The following CRPPA variants were observed in gnomAD, a reference collection of about 807,000 sequenced individuals.
CRPPA encodes D-ribitol-5-phosphate cytidylyltransferase.
A neutral mutation model predicts 52.0 loss-of-function variants in CRPPA; 43 were observed. The ratio of observed to expected loss-of-function variants is 0.83; its 90% confidence interval spans 0.65 to 1.07. The LOEUF (loss-of-function observed/expected upper bound fraction) is 1.07. CRPPA is among the 50% of genes least tolerant of loss of function. The pLI is 0.00. For missense variants in CRPPA, 629 were observed against 551.7 expected, an observed-to-expected ratio of 1.14 and a Z score of -1.40; for synonymous variants, 250 against 203.5, an observed-to-expected ratio of 1.23 and a Z score of -1.94.
intron 3 of CRPPA, among the ~76,000 whole-genome samples, chr7:16,346,599 A>T (rs539081614): frequency 6.6e-6 from 1 of 152,256 alleles, no homozygotes; most frequent in East Asian, 1.9e-4. Context: ...AGCAGGCTGA[A>T]TTATTTGTCA....
intron 1 of CRPPA, among the ~76,000 whole-genome samples, chr7:16,413,135 A>G (rs1323435204): frequency 2.0e-5 from 3 of 152,150 alleles, no homozygotes; most frequent in Non-Finnish European, 2.9e-5. Flanking sequence ...TACTATGGAC[A>G]TAATTCATAG....
At chr7:16,180,191 G>A (rs779924451) in intron 9 of CRPPA, among the ~76,000 whole-genome samples, 2 of 152,050 alleles carry the variant, frequency 1.3e-5, no homozygotes, top group Non-Finnish European at 2.9e-5. Flanking sequence ...AAACTCTGTT[G>A]CCCAATCCTA....
intron 5 of CRPPA, among the ~76,000 whole-genome samples, chr7:16,285,957 T>C (rs1304661151): frequency 7.8e-6 from 1 of 127,512 alleles, no homozygotes; most frequent in Non-Finnish European, 1.7e-5. Flanking sequence ...GAGGCAGAGA[T>C]TGCAGTGAGC....
Position 16,396,468 on chromosome 7 carries a change from T to C in CRPPA, c.534+9593A>G, listed in dbSNP as rs182994385. Among the ~76,000 whole-genome samples, 988 of 152,284 alleles carry C rather than the reference T, an allele frequency of 6.5e-3. 8 individuals are homozygous for C. The highest frequency in any genetic ancestry group is 0.01 in the Middle Eastern group (3 of 294). The stretch of plus-strand genomic sequence containing the variant: ...AAACGGAACACTTCTACACTGCTGG[T>C]GAGAATATATAATAGTACAACCACT... On this transcript the variant is annotated intron_variant, in intron 2 of 9. Coordinates refer to ENST00000407010, the MANE Select transcript of CRPPA (RefSeq NM_001101426.4).
At chr7:16,286,097 A>AAAAAAAAAAT in intron 5 of CRPPA, among the ~76,000 whole-genome samples, 1 of 39,130 alleles carries the variant, frequency 2.6e-5, no homozygotes, top group Non-Finnish European at 4.1e-5. Context: ...TAAAAAAAAA[A>AAAAAAAAAAT]ATATATATAT....
intron 9 of CRPPA, among the ~76,000 whole-genome samples, chr7:16,173,440 G>A (rs1040469979): frequency 5.3e-5 from 8 of 152,272 alleles, no homozygotes; most frequent in Non-Finnish European, 7.4e-5. Context: ...GCAAGTCCTA[G>A]TCAATGCTAT....
chr7:16,150,029 C>G (rs1282275449), intron 9 of CRPPA, among the ~76,000 whole-genome samples: 1 of 151,110 alleles, frequency 6.6e-6, no homozygotes, highest in African/African-American at 2.4e-5. Flanking sequence ...TATCATTTAC[C>G]TCCTGATAGA....
intron 1 of CRPPA, among the ~76,000 whole-genome samples, chr7:16,411,849 C>T (rs1357003315): frequency 1.3e-5 from 2 of 152,106 alleles, no homozygotes; most frequent in African/African-American, 4.8e-5. Flanking sequence ...AACTTGTCCT[C>T]TAAACTATTC....
At chr7:16,264,662 T>A (rs1488524380) in intron 6 of CRPPA, among the ~76,000 whole-genome samples, 1 of 152,206 alleles carries the variant, frequency 6.6e-6, no homozygotes, top group Non-Finnish European at 1.5e-5. Flanking sequence ...CATCTCTGAG[T>A]CTGAATCTTC....
intron 3 of CRPPA, among the ~76,000 whole-genome samples, chr7:16,323,138 C>G (rs1005256133): frequency 6.6e-6 from 1 of 151,922 alleles, no homozygotes; most frequent in African/African-American, 2.4e-5. Flanking sequence ...CCAAACCATA[C>G]GAAATAGAAA....
At chr7:16,183,298 G>C (rs1781446851) in intron 9 of CRPPA, among the ~76,000 whole-genome samples, 1 of 152,200 alleles carries the variant, frequency 6.6e-6, no homozygotes, top group Admixed American at 6.5e-5. Context: ...TCTGGGAAAA[G>C]ACCATGTTCC....
rs1044435802 is a variant in CRPPA at position 16,298,606 on chromosome 7, C to A, written c.835+2815G>T. On this transcript the variant is annotated intron_variant, in intron 5 of 9. Transcript: ENST00000407010. ...ATAGTGCCTAGGAAAATACTTTGAA[C>A]ATGGTTAATTTTGTGTCATAAATTA... is the stretch of plus-strand genomic sequence containing the variant. Among the ~76,000 whole-genome samples the A allele has an allele frequency of 2.0e-4, 30 of 152,172 alleles. 1 individual carries two copies. The highest frequency in any genetic ancestry group is 1.3e-4 in the Admixed American group (2 of 15,274).
intron 3 of CRPPA, among the ~76,000 whole-genome samples, chr7:16,324,816 C>T (rs751566560): frequency 1.3e-5 from 2 of 152,144 alleles, no homozygotes; most frequent in Non-Finnish European, 2.9e-5. Flanking sequence ...CTAAATTTAT[C>T]CACTTTTGCT....
chr7:16,317,143 G>A (rs933994627), intron 3 of CRPPA, among the ~76,000 whole-genome samples: 3 of 152,128 alleles, frequency 2.0e-5, no homozygotes, highest in Non-Finnish European at 4.4e-5. Flanking sequence ...TTGATTAAGA[G>A]CATGGACACA....
chr7:16,163,897 A>C (rs1413129418), intron 9 of CRPPA, among the ~76,000 whole-genome samples: 2 of 152,164 alleles, frequency 1.3e-5, no homozygotes, highest in Admixed American at 1.3e-4. Context: ...TGTTAGTCTG[A>C]TGGGCTTTCC....
chr7:16,171,624 AAAAAAAC>A (rs1238756229), intron 9 of CRPPA, among the ~76,000 whole-genome samples: 1 of 151,940 alleles, frequency 6.6e-6, no homozygotes, highest in Non-Finnish European at 1.5e-5. Flanking sequence ...CAAACAAACC[AAAAAAAC>A]AAAAAACAAA....
At chr7:16,107,149 A>G (rs540649851) in intron 9 of CRPPA, among the ~76,000 whole-genome samples, 3 of 152,242 alleles carry the variant, frequency 2.0e-5, no homozygotes, top group South Asian at 2.1e-4. Flanking sequence ...ACATTCACAT[A>G]ATGGGGAACT....
At chr7:16,249,646 T>C (rs1456866946) in intron 8 of CRPPA, among the ~76,000 whole-genome samples, 1 of 152,086 alleles carries the variant, frequency 6.6e-6, no homozygotes, top group Admixed American at 6.5e-5. Flanking sequence ...GGCCTGATTG[T>C]TAGAAGGAAA....
intron 8 of CRPPA, among the ~76,000 whole-genome samples, chr7:16,223,972 T>C (rs1423891464): frequency 6.6e-6 from 1 of 152,174 alleles, no homozygotes; most frequent in Non-Finnish European, 1.5e-5. Context: ...TTCTAACAGT[T>C]CTTTCTCACA....
Sources: gnomAD v4.1 joint callset for allele counts (sites outside exome capture counted in the v4.1 genomes callset) on GRCh38, gnomAD v4.1.1 for gene constraint, MANE v1.5 for transcripts, NCBI Gene and HGNC (gene_info 2026-07-23, HGNC 2026-07-21) for gene names.